Variants in RPGRIP1 observed in about 807,000 individuals in gnomAD.
The protein encoded by RPGRIP1 is X-linked retinitis pigmentosa GTPase regulator-interacting protein 1.
A neutral mutation model predicts 157.9 loss-of-function variants in RPGRIP1; 128 were observed. The observed-to-expected ratio is 0.81, with a 90% CI of 0.70 to 0.94. The LOEUF (loss-of-function observed/expected upper bound fraction) is 0.94, where lower values mean the gene tolerates loss of function less well. RPGRIP1 is among the 40% of genes least tolerant of loss of function. The probability of loss-of-function intolerance (pLI) is 0.00; values close to 1 mark genes in which losing one functional copy is unlikely to be tolerated. For missense variants in RPGRIP1, 1,486 were observed against 1,545.8 expected (o/e 0.96, Z 0.65); for synonymous variants, 554 against 571.6 (o/e 0.97, Z 0.44).
chr14:21,350,298 C>T (rs1886081236), intron 24 of RPGRIP1, among the ~76,000 whole-genome samples: 1 of 150,746 alleles, frequency 6.6e-6, no homozygotes, highest in Non-Finnish European at 1.5e-5. Flanking sequence ...ATTGCTTGAA[C>T]CCGGGAGGCG....
At chr14:21,281,733 A>ATAATAATAATAATAT (rs2139124686) in intron 1 of RPGRIP1, among the ~76,000 whole-genome samples, 1 of 148,272 alleles carries the variant, frequency 6.7e-6, no homozygotes, top group East Asian at 2.0e-4. Context: ...AATAATAATA[A>ATAATAATAATAATAT]TAATCAGAGT....
chr14:21,324,283 G>A (rs1882810919), intron 14 of RPGRIP1: 1 of 372,548 alleles, frequency 2.7e-6, no homozygotes, highest in South Asian at 2.5e-5. Flanking sequence ...CTTCTCTTAT[G>A]GAATTACCAG....
intron 21 of RPGRIP1, 87 bp from the exon 22 acceptor site, chr14:21,342,949 G>T (rs2092033881): frequency 1.1e-6 from 1 of 890,700 alleles, no homozygotes; most frequent in East Asian, 2.5e-5. Flanking sequence ...GATTTCTAGA[G>T]AGTACCGTAA....
intron 18 of RPGRIP1, 61 bp from the exon 19 acceptor site, chr14:21,328,363 C>A: frequency 8.0e-7 from 1 of 1,246,494 alleles, no homozygotes; most frequent in Non-Finnish European, 1.1e-6. Context: ...AAATCCCTTT[C>A]TTGTGTTTCT....
At position 21,351,120 on chromosome 14, in the gene RPGRIP1, T is replaced by G; in HGVS notation, c.3765T>G (p.Asp1255Glu). The part of the protein sequence containing the change: ...EQELDIVSPE[D>E]LATPIGRLKV... ...TCCCAACAGTTGTTAGCCCTGAAGA[T>G]CTGGCTACCCCAATAGGAAGGCTGA... is the stretch of plus-strand genomic sequence containing the variant. Residue 1255 changes from aspartate (D) to glutamate (E), a missense_variant, in exon 25 of 25, where the codon GAT (aspartate) becomes GAG (glutamate). Asp to Glu is a conservative substitution (Grantham distance 45). Coordinates refer to ENST00000400017, the MANE Select transcript of RPGRIP1 (RefSeq NM_020366.4). The G allele has an allele frequency of 6.2e-7, 1 of 1,609,496 alleles. No individual in the cohort carries two copies. Among genetic ancestry groups the G allele is most frequent in the South Asian group, 1.1e-5 (1 of 90,258 alleles).
intron 7 of RPGRIP1, among the ~76,000 whole-genome samples, chr14:21,308,373 T>C (rs1190818922): frequency 6.6e-6 from 1 of 152,210 alleles, no homozygotes; most frequent in African/African-American, 2.4e-5. Flanking sequence ...CATCCTTTTA[T>C]TGAACAAATA....
intron 24 of RPGRIP1, among the ~76,000 whole-genome samples, chr14:21,348,538 A>G (rs535672575): frequency 1.3e-5 from 2 of 152,302 alleles, no homozygotes; most frequent in South Asian, 2.1e-4. Context: ...ACAATGTTTG[A>G]AAAGGAGATT....
At chr14:21,307,558 G>A (rs765649997) in intron 6 of RPGRIP1, among the ~76,000 whole-genome samples, 173 bp from the exon 7 acceptor site, 3 of 152,226 alleles carry the variant, frequency 2.0e-5, no homozygotes, top group Non-Finnish European at 2.9e-5. Context: ...AGAAATGGGA[G>A]AAAGGAGATT....
intron 20 of RPGRIP1, among the ~76,000 whole-genome samples, chr14:21,330,663 C>T (rs949408686): frequency 1.3e-5 from 2 of 151,530 alleles, no homozygotes; most frequent in Non-Finnish European, 2.9e-5. Flanking sequence ...AGCGAGACTC[C>T]ATCTCAAAAA....
chr14:21,345,642 C>T (rs921850028), intron 23 of RPGRIP1, among the ~76,000 whole-genome samples: 7 of 151,998 alleles, frequency 4.6e-5, no homozygotes, highest in African/African-American at 1.7e-4. Context: ...TGCGCTCAAG[C>T]GATCTGCCCT....
Position 21,300,976 on chromosome 14 carries a change from A to T in RPGRIP1, c.229A>T (p.Thr77Ser). 1 of 1,612,944 alleles carries T rather than the reference A, an allele frequency of 6.2e-7. No homozygotes were observed. Among genetic ancestry groups the T allele is most frequent in the South Asian group, 1.1e-5 (1 of 91,070 alleles). ...TCTATTTGTCCACAGGCTGAGGACC[A>T]CCTTGCTGCGGTTGACCGCTGCTGG... ...QQDEIKRLRT[T>S]LLRLTAAGRD... The change falls in exon 4 of 25, where the codon ACC (threonine) becomes TCC (serine). Residue 77 changes from threonine to serine, a missense_variant. Physicochemically the swap from Thr to Ser is moderately conservative, Grantham distance 58. Coordinates refer to ENST00000400017, the MANE Select transcript of RPGRIP1 (RefSeq NM_020366.4).
intron 2 of RPGRIP1, among the ~76,000 whole-genome samples, chr14:21,290,853 T>C (rs1468717599): frequency 1.4e-5 from 2 of 146,934 alleles, no homozygotes; most frequent in East Asian, 4.0e-4. Context: ...AAAGAAAAAG[T>C]TAGCTGGGCC....
Position 21,340,940 on chromosome 14 carries a change from C to A in RPGRIP1, c.3340-2096C>A, listed in dbSNP as rs575422077. Among the ~76,000 whole-genome samples the A allele has an allele frequency of 4.0e-3, 602 of 151,936 alleles. 3 individuals carry two copies. The highest frequency in any genetic ancestry group is 7.1e-3 in the South Asian group (34 of 4,820). ...GACCCATCAAAGTGTCAAAAAAAAACCAGATTTTTCAAAACACTGTATAGT... is the reference window on the plus strand; with the variant it reads ...GACCCATCAAAGTGTCAAAAAAAAAACAGATTTTTCAAAACACTGTATAGT... On this transcript the variant is annotated intron_variant, in intron 21 of 24. Transcript: ENST00000400017.
At chr14:21,331,406 C>T (rs1883774119) in intron 20 of RPGRIP1, among the ~76,000 whole-genome samples, 1 of 151,918 alleles carries the variant, frequency 6.6e-6, no homozygotes, top group Non-Finnish European at 1.5e-5. Flanking sequence ...CCTGTAGTCC[C>T]AGCTACTGGG....
In RPGRIP1 at chr14:21,287,484, A is replaced by G. The variant is rs536612499; in HGVS notation, c.-38-455A>G. ...TATTTTCAACCTCCTAGGAGATAGAATCTGATTGGTTCAGCGAGGGTCATT... is the reference window on the plus strand; with the variant it reads ...TATTTTCAACCTCCTAGGAGATAGAGTCTGATTGGTTCAGCGAGGGTCATT... On this transcript the variant is annotated intron_variant, in intron 1 of 24. Coordinates refer to ENST00000400017, the MANE Select transcript of RPGRIP1 (RefSeq NM_020366.4). Among the ~76,000 whole-genome samples the G allele has an allele frequency of 2.6e-5, 4 of 152,290 alleles. No homozygotes were observed. In the South Asian group the frequency reaches 6.2e-4, roughly 24 times the overall value.
At chr14:21,333,627 A>T (rs1884015611) in intron 20 of RPGRIP1, among the ~76,000 whole-genome samples, 1 of 152,176 alleles carries the variant, frequency 6.6e-6, no homozygotes, top group South Asian at 2.1e-4. Flanking sequence ...ATCTTGCAAG[A>T]TAGCTCACCC....
At chr14:21,331,070 C>T (rs1322153409) in intron 20 of RPGRIP1, among the ~76,000 whole-genome samples, 10 of 151,818 alleles carry the variant, frequency 6.6e-5, no homozygotes, top group South Asian at 2.1e-4. Context: ...CCACCATCCC[C>T]GGCTAATTTT....
intron 7 of RPGRIP1, among the ~76,000 whole-genome samples, chr14:21,308,156 C>T (rs1881395096): frequency 6.6e-6 from 1 of 152,094 alleles, no homozygotes; most frequent in South Asian, 2.1e-4. Context: ...AATTAGGAAG[C>T]CAAAAGCAGT....
At chr14:21,339,205 T>C (rs1259695040) in intron 21 of RPGRIP1, among the ~76,000 whole-genome samples, 1 of 151,934 alleles carries the variant, frequency 6.6e-6, no homozygotes, top group Non-Finnish European at 1.5e-5. Context: ...TCTAGCACTT[T>C]GGGAGGCCGA....
Sources: gnomAD v4.1 joint callset for allele counts (sites outside exome capture counted in the v4.1 genomes callset) on GRCh38, gnomAD v4.1.1 for gene constraint, MANE v1.5 for transcripts, NCBI Gene and HGNC (gene_info 2026-07-23, HGNC 2026-07-21) for gene names.